Variants in PARN observed in about 807,000 individuals in gnomAD.
PARN encodes the protein poly(A)-specific ribonuclease PARN.
A neutral mutation model predicts 102.8 loss-of-function variants in PARN; 71 were observed. The observed-to-expected ratio is 0.69, with a 90% confidence interval of 0.57 to 0.84. The LOEUF is 0.84. Among genes scored for constraint, PARN ranks in the 40% least tolerant of loss-of-function variants. The pLI is 0.00. For synonymous variants in PARN, 261 were observed against 252.9 expected (o/e 1.03, Z -0.30); for missense variants, 782 against 760.9 (o/e 1.03, Z -0.33).
chr16:14,626,539 A>T (rs1972675523), intron 5 of PARN, among the ~76,000 whole-genome samples: 1 of 152,160 alleles, frequency 6.6e-6, no homozygotes. Flanking sequence ...ATGTTCTCAA[A>T]TTCAGCTTTA....
At chr16:14,526,421 C>G (rs1158338751) in intron 21 of PARN, among the ~76,000 whole-genome samples, 1 of 152,044 alleles carries the variant, frequency 6.6e-6, no homozygotes, top group Non-Finnish European at 1.5e-5. Flanking sequence ...TCGTGATCCA[C>G]CCACCTCAGC....
chr16:14,603,192 T>A (rs577530942), intron 11 of PARN, among the ~76,000 whole-genome samples: 2 of 152,282 alleles, frequency 1.3e-5, no homozygotes, highest in African/African-American at 4.8e-5. Flanking sequence ...CCTAAAGTAG[T>A]GCTGCGATTA....
At position 14,590,264 on chromosome 16, in the gene PARN, AAAGAG is replaced by A. The variant is rs1027264618; in HGVS notation, c.918+3032_918+3036del. On this transcript the variant is annotated intron_variant, in intron 13 of 23. Coordinates refer to ENST00000437198, the MANE Select transcript of PARN (RefSeq NM_002582.4). ...AAAAAAAAAAAAAAAAAAAGGTAGG[AAAGAG>A]AAGAGAAAAAAAAAAAAAAACAGAA... 2.7e-5 allele frequency among the ~76,000 whole-genome samples: 4 copies of A among 146,874 alleles called. No homozygotes were observed. In the East Asian group the frequency reaches 8.0e-4, roughly 29 times the overall value.
At chr16:14,482,926 C>T in intron 21 of PARN, 99 bp from the exon 22 acceptor site, 2 of 983,934 alleles carry the variant, frequency 2.0e-6, no homozygotes, top group Non-Finnish European at 2.9e-6. Flanking sequence ...CAAAGGAGCC[C>T]CATCAGGCCT....
intron 22 of PARN, among the ~76,000 whole-genome samples, chr16:14,462,616 A>G (rs902474516): frequency 3.3e-5 from 5 of 151,910 alleles, no homozygotes; most frequent in African/African-American, 1.2e-4. Context: ...ATATTCTCGA[A>G]AATTCCAGAA....
intron 18 of PARN, among the ~76,000 whole-genome samples, chr16:14,575,516 C>T (rs1261683045): frequency 6.6e-6 from 1 of 152,194 alleles, no homozygotes; most frequent in Non-Finnish European, 1.5e-5. Context: ...CAAAATCACA[C>T]AGGTAATAAG....
intron 21 of PARN, among the ~76,000 whole-genome samples, chr16:14,492,016 G>A (rs1013343917): frequency 2.0e-5 from 3 of 152,212 alleles, no homozygotes; most frequent in Non-Finnish European, 2.9e-5. Context: ...CAGGAAACAG[G>A]CCACCGTCAC....
Position 14,556,457 on chromosome 16 carries a change from C to T in PARN, c.1263-748G>A, listed in dbSNP as rs142572904. 4.5e-3 allele frequency among the ~76,000 whole-genome samples: 679 copies of T among 152,146 alleles called. 4 individuals are homozygous for T. Among genetic ancestry groups the T allele is most frequent in the African/African-American group, 0.016 (653 of 41,524 alleles). ...TTACAGGCGTGAGCCACTGCACCAG[C>T]CATGTAAAATCATTTCTAAAGCTCT... On this transcript the variant is annotated intron_variant, in intron 18 of 23. Coordinates refer to ENST00000437198, the MANE Select transcript of PARN (RefSeq NM_002582.4).
Position 14,620,174 on chromosome 16 carries a change from G to A in PARN, c.328-2524C>T, listed in dbSNP as rs941452281. On this transcript the variant is annotated intron_variant, in intron 5 of 23. Coordinates refer to ENST00000437198, the MANE Select transcript of PARN (RefSeq NM_002582.4). Reference sequence around the variant, plus strand: ...GGGCAGATTACAAGGTCAGGAGATCGAGACCACCCTGGCTAACATGGTGAA... The same window carrying A: ...GGGCAGATTACAAGGTCAGGAGATCAAGACCACCCTGGCTAACATGGTGAA... 4.6e-5 allele frequency among the ~76,000 whole-genome samples: 7 copies of A among 150,996 alleles called. No homozygotes were observed. In the East Asian group the frequency reaches 7.8e-4, roughly 17 times the overall value.
At chr16:14,444,537 AT>A (rs1961104876) in intron 23 of PARN, among the ~76,000 whole-genome samples, 1 of 152,198 alleles carries the variant, frequency 6.6e-6, no homozygotes, top group Non-Finnish European at 1.5e-5. Context: ...AGTTATTTTA[AT>A]TTTAATATTT....
chr16:14,628,049 G>C, intron 3 of PARN, 123 bp downstream of exon 3: 3 of 688,978 alleles, frequency 4.4e-6, no homozygotes, highest in South Asian at 3.3e-5. Context: ...TTCATGGCTA[G>C]GTTTGAGGAG....
At chr16:14,478,865 T>A (rs1176675872) in intron 22 of PARN, among the ~76,000 whole-genome samples, 1 of 152,160 alleles carries the variant, frequency 6.6e-6, no homozygotes, top group Admixed American at 6.5e-5. Context: ...CACTGCAACC[T>A]CCGCCTCCCG....
chr16:14,628,282 T>G (rs1169081971), intron 2 of PARN, 31 bp from the exon 3 acceptor site: 1 of 1,147,064 alleles, frequency 8.7e-7, no homozygotes, highest in African/African-American at 1.5e-5. Flanking sequence ...ATTTTTAGCT[T>G]ACTAATAAAT....
In PARN at chr16:14,582,167, C is replaced by T. The variant is rs748531016; in HGVS notation, c.1192+14G>A. 3.3e-6 allele frequency: 5 copies of T among 1,496,874 alleles called. No homozygotes were observed. In the East Asian group the frequency reaches 1.1e-4, roughly 34 times the overall value. The allele number at this position is 1,496,874 out of a possible 1,614,324, so 92.7% of individuals were successfully genotyped here. On this transcript the variant is annotated intron_variant, in intron 17 of 23. Coordinates refer to ENST00000437198, the MANE Select transcript of PARN (RefSeq NM_002582.4). Reference sequence around the variant, plus strand: ...GATCACTGCGTGTTTGACTGAAAGACATGTAATGCGTACCTAGGTAATTGG... The same window carrying T: ...GATCACTGCGTGTTTGACTGAAAGATATGTAATGCGTACCTAGGTAATTGG...
intron 5 of PARN, among the ~76,000 whole-genome samples, chr16:14,624,727 C>T (rs565793553): frequency 1.7e-4 from 25 of 150,814 alleles, no homozygotes; most frequent in African/African-American, 5.8e-4. Flanking sequence ...GAGACCAGCC[C>T]GACCGACATG....
intron 21 of PARN, among the ~76,000 whole-genome samples, chr16:14,525,618 T>C (rs1965955177): frequency 6.6e-6 from 1 of 151,960 alleles, no homozygotes; most frequent in Admixed American, 6.6e-5. Context: ...CTCTCTTCAT[T>C]ATCACCTACC....
At chr16:14,569,456 G>T (rs1032865090) in intron 18 of PARN, among the ~76,000 whole-genome samples, 1 of 152,082 alleles carries the variant, frequency 6.6e-6, no homozygotes, top group African/African-American at 2.4e-5. Context: ...CAAATCTCCC[G>T]TCTGGTGGCA....
chr16:14,604,244 G>T lies in PARN; in HGVS notation c.703-18C>A. On this transcript the variant is annotated intron_variant, in intron 10 of 23. Transcript: ENST00000437198. ...CGCTCCTTCTAAAAGACATAAAGCAGATATACAATTTTCTTTTCTTTTTCT... is the reference window on the plus strand; with the variant it reads ...CGCTCCTTCTAAAAGACATAAAGCATATATACAATTTTCTTTTCTTTTTCT... 1 of 1,455,970 alleles carries T rather than the reference G, an allele frequency of 6.9e-7. No homozygotes were observed. Among genetic ancestry groups the T allele is most frequent in the Non-Finnish European group, 9.4e-7 (1 of 1,062,346 alleles). The allele number at this position is 1,455,970 out of a possible 1,614,324, so 90.2% of individuals were successfully genotyped here.
At chr16:14,617,779 A>G (rs993310133) in intron 5 of PARN, 129 bp from the exon 6 acceptor site, 6 of 657,188 alleles carry the variant, frequency 9.1e-6, no homozygotes, top group South Asian at 3.5e-5. Context: ...AGAGGTCACA[A>G]TACAAGGAAT....
Sources: allele counts gnomAD v4.1 joint callset (sites outside exome capture counted in the v4.1 genomes callset), GRCh38; gene constraint gnomAD v4.1.1; transcripts MANE v1.5; gene names NCBI Gene and HGNC (gene_info 2026-07-23, HGNC 2026-07-21).